Variants in DNAJC7 observed in about 807,000 individuals in gnomAD.
DNAJC7 encodes the protein dnaJ homolog subfamily C member 7.
In DNAJC7, 18 loss-of-function variants were observed where a neutral mutation model predicts 67.4. The ratio of observed to expected loss-of-function variants is 0.27; its 90% CI spans 0.18 to 0.40. DNAJC7 has a LOEUF of 0.40. DNAJC7 is among the 10% of genes least tolerant of loss of function. The pLI is 1.00. For synonymous variants in DNAJC7, 220 were observed against 207.8 expected (o/e 1.06, Z -0.50); for missense variants, 419 against 613.8 (o/e 0.68, Z 3.35).
rs782649180 is a variant in DNAJC7 at position 42,017,395 on chromosome 17, C to G, written c.22G>C (p.Asp8His). 2.4e-5 allele frequency: 38 copies of G among 1,609,356 alleles called. No homozygotes were observed. The highest frequency in any genetic ancestry group is 3.2e-5 in the Non-Finnish European group (38 of 1,179,862). Residue 8 changes from aspartate to histidine, a missense_variant, in exon 1 of 14, where the codon GAT becomes CAT. This residue lies in a region of DNAJC7 where 63 missense variants were observed against 54.0 expected (regional missense o/e 1.17). Transcript: ENST00000457167. MAAAAECDVVMAATEPEL... is the reference protein window; with the variant it reads MAAAAECHVVMAATEPEL... ...GGCTCGGTCGCCGCCATTACCACATCGCACTCCGCGGCAGCCGCCATCTTA... is the reference window on the plus strand; with the variant it reads ...GGCTCGGTCGCCGCCATTACCACATGGCACTCCGCGGCAGCCGCCATCTTA...
chr17:41,983,661 C>T (rs782552563), intron 9 of DNAJC7, 25 bp from the exon 10 acceptor site: 1 of 1,586,032 alleles, frequency 6.3e-7, no homozygotes, highest in Admixed American at 1.8e-5. Context: ...CAAGGCAATA[C>T]AGCACTAAGA....
At chr17:41,983,862 G>A (rs2051310106) in intron 9 of DNAJC7, among the ~76,000 whole-genome samples, 1 of 152,214 alleles carries the variant, frequency 6.6e-6, no homozygotes, top group Admixed American at 6.5e-5. Context: ...GCAAAGTGAT[G>A]TTCAGCTTTG....
chr17:41,976,964 G>C, intron 13 of DNAJC7, 194 bp from the exon 14 acceptor site: 1 of 679,706 alleles, frequency 1.5e-6, no homozygotes. Flanking sequence ...GGTAGCTTCT[G>C]ACCTCAGCAT....
rs782776979 is a variant in DNAJC7, at chr17:41,989,563, A to G, written c.600-6T>C. On this transcript the variant is annotated splice_polypyrimidine_tract_variant and splice_region_variant and intron_variant, in intron 6 of 13. Coordinates refer to ENST00000457167, the MANE Select transcript of DNAJC7 (RefSeq NM_003315.4). ...AATCCATTCGTAGAATGTCACTGCA[A>G]TAGTCAGAAAAGGGCACATTGAGCT... is the stretch of plus-strand genomic sequence containing the variant. 2 of 1,613,590 alleles carry G rather than the reference A, an allele frequency of 1.2e-6. No individual in the cohort carries two copies. Among genetic ancestry groups the G allele is most frequent in the African/African-American group, 1.3e-5 (1 of 74,942 alleles).
chr17:42,001,584 C>T (rs184307980), intron 1 of DNAJC7, among the ~76,000 whole-genome samples: 14 of 152,254 alleles, frequency 9.2e-5, no homozygotes, highest in African/African-American at 3.4e-4. Flanking sequence ...GCAACATTAA[C>T]TAAGTACCTG....
Position 41,996,303 on chromosome 17 carries a change from AC to A in DNAJC7, c.405+7del. ...CCTCTTTTGACAGAAACAGGATCAG[AC>A]CCGTACCTCTTGTTGTGCCTGAGCA... On this transcript the variant is annotated splice_region_variant and intron_variant, in intron 4 of 13. Coordinates refer to ENST00000457167, the MANE Select transcript of DNAJC7 (RefSeq NM_003315.4). 6.2e-7 allele frequency: 1 copy of A among 1,612,660 alleles called. No homozygotes were observed. Among genetic ancestry groups the A allele is most frequent in the Non-Finnish European group, 8.5e-7 (1 of 1,179,318 alleles).
chr17:41,986,053 A>AAAAAAAAAAAAAAG lies in DNAJC7; in HGVS notation c.1010+1765_1010+1766insCTTTTTTTTTTTTT, dbSNP rs1555646736. The AAAAAAAAAAAAAAG allele has an allele frequency of 5.4e-4, 66 of 122,330 alleles. 5 individuals are homozygous for AAAAAAAAAAAAAAG. The highest frequency in any genetic ancestry group is 8.8e-4 in the Non-Finnish European group (54 of 61,064). 7.6% of individuals were successfully genotyped at this position (122,330 alleles called of 1,614,324 possible). On this transcript the variant is annotated intron_variant, in intron 9 of 13. Transcript: ENST00000457167. Reference sequence around the variant, plus strand: ...ATGGTGTTGGGGGCTTGCTTAAAAAAAAAAAAAAAAAAAAAAAAAAAAAAA... The same window carrying AAAAAAAAAAAAAAG: ...ATGGTGTTGGGGGCTTGCTTAAAAAAAAAAAAAAAAAAAGAAAAAAAAAAAAAAAAAAAAAAAAA...
chr17:41,989,511 G>C lies in DNAJC7; in HGVS notation c.646C>G (p.Arg216Gly). ...TCTTCGTAATAAAGGCAAAGACCTC[G>C]TACATACAGAGCATCTGCATTGGTG... ...DSTNADALYV[R>G]GLCLYYEDCI... is the part of the protein sequence containing the mutation. The change falls in exon 7 of 14, where the codon CGA (arginine) becomes GGA (glycine). Residue 216 changes from arginine (R) to glycine (G), a missense_variant. By Grantham distance (125) the Arg-to-Gly change is moderately radical. This residue lies in a region of DNAJC7 where 179 missense variants were observed against 249.7 expected (regional missense o/e 0.72). Transcript: ENST00000457167. 6.2e-7 allele frequency: 1 copy of C among 1,613,972 alleles called. No individual in the cohort carries two copies. The highest frequency in any genetic ancestry group is 8.5e-7 in the Non-Finnish European group (1 of 1,179,900).
intron 12 of DNAJC7, 157 bp downstream of exon 12, chr17:41,981,698 G>T: frequency 9.6e-7 from 1 of 1,040,408 alleles, no homozygotes; most frequent in Non-Finnish European, 1.4e-6. Context: ...CTGTGAACCT[G>T]CCACATTTGA....
intron 2 of DNAJC7, among the ~76,000 whole-genome samples, chr17:41,999,051 A>G (rs1393199901): frequency 6.6e-6 from 1 of 151,972 alleles, no homozygotes; most frequent in Non-Finnish European, 1.5e-5. Flanking sequence ...TTAAAAAAAA[A>G]GAAAAGAAAA....
intron 13 of DNAJC7, 139 bp from the exon 14 acceptor site, chr17:41,976,909 G>C (rs1465739800): frequency 1.3e-5 from 15 of 1,123,116 alleles, no homozygotes; most frequent in Non-Finnish European, 1.9e-5. Flanking sequence ...AACAGCTCAG[G>C]CTGTTTTTGG....
At position 41,990,374 on chromosome 17, in the gene DNAJC7, G is replaced by GA. The variant is rs782138444; in HGVS notation, c.488dup (p.Cys164LeufsTer37). The GA allele has an allele frequency of 6.2e-7, 1 of 1,607,386 alleles. No homozygotes were observed. Among genetic ancestry groups the GA allele is most frequent in the Non-Finnish European group, 8.5e-7 (1 of 1,176,744 alleles). On this transcript the variant is annotated frameshift_variant, in exon 6 of 14. Coordinates refer to ENST00000457167, the MANE Select transcript of DNAJC7 (RefSeq NM_003315.4). LOFTEE classifies it high-confidence loss of function. Reference sequence around the variant, plus strand: ...CAAATTCTAGGGCACGGTCCATGCAGAAAACAACCTGTAGGGAAGAAGAAA... The same window carrying GA: ...CAAATTCTAGGGCACGGTCCATGCAGAAAAACAACCTGTAGGGAAGAAGAAA...
At chr17:41,995,543 A>T (rs1555648496) in intron 4 of DNAJC7, among the ~76,000 whole-genome samples, 1 of 152,198 alleles carries the variant, frequency 6.6e-6, no homozygotes, top group East Asian at 1.9e-4. Flanking sequence ...TAGATACACA[A>T]ATACCACTGT....
At chr17:42,000,970 C>G (rs2051793379) in intron 1 of DNAJC7, 1 of 154,968 alleles carries the variant, frequency 6.5e-6, no homozygotes, top group East Asian at 1.9e-4. Flanking sequence ...AAAATGGTTA[C>G]TCCATTCAGG....
At position 42,017,423 on chromosome 17, in the gene DNAJC7, G is replaced by A. The variant is rs782101114; in HGVS notation, c.-7C>T. ...ACTCCGCGGCAGCCGCCATCTTACC[G>A]CCGGGACCAGAGAGCTGGGTGGGAG... On this transcript the variant is annotated 5_prime_UTR_variant, in exon 1 of 14. Transcript: ENST00000457167. 7.5e-6 allele frequency: 12 copies of A among 1,605,868 alleles called. No homozygotes were observed. Among genetic ancestry groups the A allele is most frequent in the Non-Finnish European group, 1.0e-5 (12 of 1,179,838 alleles).
intron 1 of DNAJC7, chr17:42,013,825 A>G (rs7212958): frequency 0.78 from 118,588 of 152,242 alleles, 46,884 homozygotes; most frequent in East Asian, 0.86. Flanking sequence ...ACAGAGTTTC[A>G]CTCTTGTCGC....
chr17:41,994,776 T>C, intron 5 of DNAJC7, 94 bp downstream of exon 5: 1 of 1,019,706 alleles, frequency 9.8e-7, no homozygotes, highest in South Asian at 1.4e-5. Context: ...CTAGAGCTTT[T>C]GTGCCATACT....
chr17:42,003,559 T>A (rs1325997374), intron 1 of DNAJC7: 1 of 152,064 alleles, frequency 6.6e-6, no homozygotes, highest in Non-Finnish European at 1.5e-5. Flanking sequence ...GGCGTGGGAC[T>A]GGAAAAAAAG....
In DNAJC7 at chr17:41,988,787, T is replaced by C. The variant is rs782000197; in HGVS notation, c.863A>G (p.Asn288Ser). ...LYTEALGIDP[N>S]NIKTNAKLYC... ...GAGTTTAGCATTTGTTTTTATATTG[T>C]TGGGGTCTATCCCCAGGGCTTCTGT... The change falls in exon 8 of 14, where the codon AAC becomes AGC. Residue 288 changes from asparagine (N) to serine (S), a missense_variant. Asn to Ser is a conservative substitution (Grantham distance 46). This residue lies in a region of DNAJC7 where 161 missense variants were observed against 252.2 expected (regional missense o/e 0.64). Transcript: ENST00000457167. 1.5e-5 allele frequency: 24 copies of C among 1,613,312 alleles called. No individual in the cohort carries two copies. The Admixed American group carries it at 3.3e-4, about 22-fold the overall frequency.
Sources: allele counts gnomAD v4.1 joint callset (sites outside exome capture counted in the v4.1 genomes callset), GRCh38; gene constraint gnomAD v4.1.1; regional missense constraint gnomAD v4.1.1; transcripts MANE v1.5; gene names NCBI Gene and HGNC (gene_info 2026-07-23, HGNC 2026-07-21).